PDE8A: variants seen among roughly 807,000 people sequenced by gnomAD.
PDE8A encodes high affinity cAMP-specific and IBMX-insensitive 3',5'-cyclic phosphodiesterase 8A.
PDE8A carries 59 observed loss-of-function variants against 105.0 expected under a neutral mutation model. The observed-to-expected ratio is 0.56, with a 90% CI of 0.46 to 0.70. PDE8A has a LOEUF of 0.70. Ranked by LOEUF, PDE8A falls within the 30% of genes least tolerant of loss-of-function variation. The probability of loss-of-function intolerance (pLI) is 0.00; values close to 1 mark genes in which losing one functional copy is unlikely to be tolerated. For synonymous variants in PDE8A, 355 were observed against 371.9 expected (o/e 0.95, Z 0.52); for missense variants, 1,014 against 1,045.9 (o/e 0.97, Z 0.42).
At chr15:85,000,798 C>T (rs947476229) in intron 1 of PDE8A, among the ~76,000 whole-genome samples, 1 of 152,192 alleles carries the variant, frequency 6.6e-6, no homozygotes, top group African/African-American at 2.4e-5. Context: ...CACTGTAGAG[C>T]CAGGTAGCTA....
chr15:85,003,701 A>C (rs1456852962), intron 1 of PDE8A, among the ~76,000 whole-genome samples: 1 of 152,230 alleles, frequency 6.6e-6, no homozygotes, highest in Non-Finnish European at 1.5e-5. Flanking sequence ...TAAGAGAAGA[A>C]TAGGTAATTT....
intron 1 of PDE8A, among the ~76,000 whole-genome samples, chr15:84,986,797 C>T (rs11629962): frequency 0.19 from 28,062 of 151,152 alleles, 3,364 homozygotes; most frequent in Middle Eastern, 0.32. Flanking sequence ...TTTTTTTTGT[C>T]GAGACGAGAT....
intron 2 of PDE8A, among the ~76,000 whole-genome samples, chr15:85,066,586 ACACACACACACACACACACAC>A (rs1567261523): frequency 8.8e-3 from 99 of 11,258 alleles, no homozygotes; most frequent in African/African-American, 0.027. Context: ...CCCCCAAAAC[ACACACACACACACACACACAC>A]ACACACACAC....
At position 85,094,820 on chromosome 15, in the gene PDE8A, C is replaced by T. The variant is rs571478402; in HGVS notation, c.853-3128C>T. 1.5e-3 allele frequency among the ~76,000 whole-genome samples: 228 copies of T among 152,236 alleles called. 1 individual carries two copies. Among genetic ancestry groups the T allele is most frequent in the South Asian group, 3.5e-3 (17 of 4,822 alleles). On this transcript the variant is annotated intron_variant, in intron 8 of 21. Coordinates refer to ENST00000394553, the MANE Select transcript of PDE8A (RefSeq NM_002605.3). ...CAGTGTGTAACTCTGTCTCCTTGTC[C>T]GGAATCCTCCATCTCCACTCGGTCC...
intron 1 of PDE8A, among the ~76,000 whole-genome samples, chr15:85,006,267 T>TA (rs1567224944): frequency 3.4e-4 from 51 of 151,746 alleles, no homozygotes; most frequent in African/African-American, 9.0e-4. Flanking sequence ...GTATTATTAT[T>TA]ATAATAATAA....
chr15:85,056,500 G>C (rs2081062056), intron 1 of PDE8A, among the ~76,000 whole-genome samples: 2 of 152,048 alleles, frequency 1.3e-5, no homozygotes, highest in Non-Finnish European at 2.9e-5. Context: ...TGGAGGCTTT[G>C]TTCGTTTCTT....
chr15:84,998,773 A>G (rs960712684), intron 1 of PDE8A, among the ~76,000 whole-genome samples: 1 of 152,210 alleles, frequency 6.6e-6, no homozygotes, highest in African/African-American at 2.4e-5. Flanking sequence ...TAAAAAGCCA[A>G]AAACTTCCCA....
intron 3 of PDE8A, among the ~76,000 whole-genome samples, chr15:85,067,529 TA>T (rs1299244820): frequency 6.6e-6 from 1 of 152,218 alleles, no homozygotes; most frequent in African/African-American, 2.4e-5. Context: ...TTCAAAGTTT[TA>T]AAAATTTTGA....
intron 8 of PDE8A, among the ~76,000 whole-genome samples, chr15:85,093,010 G>A (rs1237831487): frequency 1.3e-5 from 2 of 151,394 alleles, no homozygotes; most frequent in African/African-American, 4.9e-5. Context: ...CTGGGCTCAG[G>A]CAGTCCTCCC....
At chr15:85,128,987 C>T (rs533840114) in intron 20 of PDE8A, among the ~76,000 whole-genome samples, 29 of 152,212 alleles carry the variant, frequency 1.9e-4, no homozygotes, top group African/African-American at 6.5e-4. Flanking sequence ...TTTTTTCTTC[C>T]TTTTTTATGG....
chr15:85,024,245 T>C (rs2141360680), intron 1 of PDE8A, among the ~76,000 whole-genome samples: 1 of 152,278 alleles, frequency 6.6e-6, no homozygotes, highest in African/African-American at 2.4e-5. Context: ...CTGCTGTCCT[T>C]CCCTCCCCTA....
chr15:85,092,660 G>A (rs908169988), intron 8 of PDE8A, among the ~76,000 whole-genome samples: 2 of 152,104 alleles, frequency 1.3e-5, no homozygotes, highest in African/African-American at 4.8e-5. Flanking sequence ...ACACCTTGAT[G>A]TGGCAGAACT....
intron 17 of PDE8A, chr15:85,120,332 T>C (rs1258233028): frequency 6.6e-6 from 1 of 152,294 alleles, no homozygotes; most frequent in Non-Finnish European, 1.5e-5. Context: ...CAGATCATTT[T>C]GTCAAACTCA....
rs35782842 is a variant in PDE8A, at chr15:85,017,887, C to CAAAAA, written c.186+35547_186+35551dup. Among the ~76,000 whole-genome samples, 5 of 81,290 alleles carry CAAAAA rather than the reference C, an allele frequency of 6.2e-5. 1 individual carries two copies. Among genetic ancestry groups the CAAAAA allele is most frequent in the Non-Finnish European group, 1.2e-4 (5 of 43,324 alleles). The allele number at this position is 81,290 out of a possible 152,430, so 53.3% of individuals were successfully genotyped here. On this transcript the variant is annotated intron_variant, in intron 1 of 21. Transcript: ENST00000394553. ...GAGCAACAGGAGCGAAACTCCGTCT[C>CAAAAA]AAAAAAAAAAAAGCAATAGTGGGAG...
intron 20 of PDE8A, among the ~76,000 whole-genome samples, chr15:85,136,063 C>A (rs1475788731): frequency 6.6e-6 from 1 of 152,074 alleles, no homozygotes; most frequent in Non-Finnish European, 1.5e-5. Context: ...GGATGTGAGC[C>A]CCCTTAGTTG....
chr15:84,984,142 C>T (rs2079765389), intron 1 of PDE8A, among the ~76,000 whole-genome samples: 1 of 152,250 alleles, frequency 6.6e-6, no homozygotes, highest in Admixed American at 6.5e-5. Context: ...TTCATAAAGC[C>T]TCCTATGTAG....
intron 1 of PDE8A, among the ~76,000 whole-genome samples, chr15:85,037,764 G>A (rs1164740171): frequency 6.6e-6 from 1 of 152,176 alleles, no homozygotes; most frequent in Non-Finnish European, 1.5e-5. Context: ...CAGCAGATGT[G>A]CAGAGCTTTT....
chr15:84,982,036 C>A lies in PDE8A; in HGVS notation c.-127C>A. Reference sequence around the variant, plus strand: ...GCGGCCGCGTTTCCTGACGCGAGATCCGCGCTCGCCGCCGCCCGCCCAGGC... The same window carrying A: ...GCGGCCGCGTTTCCTGACGCGAGATACGCGCTCGCCGCCGCCCGCCCAGGC... On this transcript the variant is annotated 5_prime_UTR_variant, in exon 1 of 22. Coordinates refer to ENST00000394553, the MANE Select transcript of PDE8A (RefSeq NM_002605.3). The A allele has an allele frequency of 2.3e-6, 1 of 443,198 alleles. No individual in the cohort carries two copies. The highest frequency in any genetic ancestry group is 4.7e-5 in the East Asian group (1 of 21,084). 27.5% of individuals were successfully genotyped at this position (443,198 alleles called of 1,614,324 possible). A position where few individuals can be genotyped will look rare whatever the true frequency, so the allele number is the denominator to read the frequency against.
intron 1 of PDE8A, among the ~76,000 whole-genome samples, chr15:85,025,180 G>GT (rs145421485): frequency 2.0e-5 from 3 of 152,036 alleles, no homozygotes; most frequent in Non-Finnish European, 2.9e-5. Context: ...GATCAGACCT[G>GT]TTTTTTTGAA....
Sources: allele counts gnomAD v4.1 joint callset (sites outside exome capture counted in the v4.1 genomes callset), GRCh38; gene constraint gnomAD v4.1.1; transcripts MANE v1.5; gene names NCBI Gene and HGNC (gene_info 2026-07-23, HGNC 2026-07-21).